Variants in DEPTOR observed in about 807,000 individuals in gnomAD.
DEPTOR encodes DEP domain-containing mTOR-interacting protein.
Under a neutral mutation model 41.6 loss-of-function variants are expected in DEPTOR, and 41 were observed. The observed-to-expected ratio is 0.98, with a 90% CI of 0.77 to 1.28. The LOEUF (loss-of-function observed/expected upper bound fraction) is 1.28, where lower values mean the gene tolerates loss of function less well. Among genes scored for constraint, DEPTOR ranks in the 50% most tolerant of loss-of-function variants. DEPTOR has a pLI of 0.00. For synonymous variants in DEPTOR, 195 were observed against 192.3 expected (o/e 1.01, Z -0.12); for missense variants, 514 against 527.9 (o/e 0.97, Z 0.26).
intron 1 of DEPTOR, among the ~76,000 whole-genome samples, chr8:119,909,875 G>A (rs1239505887): frequency 1.3e-5 from 2 of 152,218 alleles, no homozygotes; most frequent in South Asian, 2.1e-4. Context: ...ATAATGTGCT[G>A]AGCACATGAA....
At chr8:120,028,243 C>T (rs7817379) in intron 8 of DEPTOR, among the ~76,000 whole-genome samples, 99,529 of 151,136 alleles carry the variant, frequency 0.66, 33,511 homozygotes, top group Middle Eastern at 0.75. Context: ...GCAACCTCCA[C>T]CTCCCAGGTT....
intron 1 of DEPTOR, among the ~76,000 whole-genome samples, chr8:119,919,175 AT>A (rs1408658579): frequency 1.3e-5 from 2 of 152,214 alleles, no homozygotes; most frequent in Non-Finnish European, 2.9e-5. Flanking sequence ...CATGTAAAAA[AT>A]ATACAAATAT....
intron 8 of DEPTOR, among the ~76,000 whole-genome samples, chr8:120,028,156 T>G (rs1812828657): frequency 6.6e-6 from 1 of 152,150 alleles, no homozygotes; most frequent in African/African-American, 2.4e-5. Context: ...ATGTACTTTT[T>G]TTTTCTTTTT....
At chr8:119,886,172 C>A (rs1477934282) in intron 1 of DEPTOR, among the ~76,000 whole-genome samples, 1 of 152,164 alleles carries the variant, frequency 6.6e-6, no homozygotes, top group South Asian at 2.1e-4. Flanking sequence ...TCATTCTCTG[C>A]AATTCTTTTG....
intron 3 of DEPTOR, among the ~76,000 whole-genome samples, chr8:119,930,241 T>G (rs1391913377): frequency 6.6e-6 from 1 of 152,210 alleles, no homozygotes; most frequent in African/African-American, 2.4e-5. Context: ...TCTCTTATTT[T>G]TATTTTTTAT....
At chr8:119,963,308 C>T (rs996779247) in intron 3 of DEPTOR, among the ~76,000 whole-genome samples, 1 of 151,862 alleles carries the variant, frequency 6.6e-6, no homozygotes, top group Non-Finnish European at 1.5e-5. Context: ...ATTGATGTCC[C>T]CCTAGCCAAG....
chr8:119,947,624 A>G (rs1828299911), intron 3 of DEPTOR, among the ~76,000 whole-genome samples: 1 of 152,182 alleles, frequency 6.6e-6, no homozygotes, highest in South Asian at 2.1e-4. Context: ...CTGATCTTCC[A>G]AAGTGGAAAT....
At chr8:120,019,446 A>T (rs1295405440) in intron 8 of DEPTOR, among the ~76,000 whole-genome samples, 1 of 152,214 alleles carries the variant, frequency 6.6e-6, no homozygotes, top group Non-Finnish European at 1.5e-5. Context: ...GCCTCTTTCA[A>T]GTCAGCCTCT....
At position 120,000,807 on chromosome 8, in the gene DEPTOR, G is replaced by A. The variant is rs191993085; in HGVS notation, c.605-718G>A. On this transcript the variant is annotated intron_variant, in intron 4 of 8. Transcript: ENST00000286234. Reference sequence around the variant, plus strand: ...AAAATGAATTGAGGGGCTGGGTGTGGTGGCTCACACCTGTAATCCCAGCAC... The same window carrying A: ...AAAATGAATTGAGGGGCTGGGTGTGATGGCTCACACCTGTAATCCCAGCAC... Among the ~76,000 whole-genome samples the A allele has an allele frequency of 1.0e-3, 154 of 151,920 alleles. 2 individuals are homozygous for A. The highest frequency in any genetic ancestry group is 3.5e-3 in the African/African-American group (145 of 41,494).
At chr8:120,036,228 A>G (rs529701094) in intron 8 of DEPTOR, among the ~76,000 whole-genome samples, 8 of 152,214 alleles carry the variant, frequency 5.3e-5, no homozygotes, top group Non-Finnish European at 1.0e-4. Context: ...ACCAGCAGGC[A>G]TTACAAACTT....
intron 3 of DEPTOR, among the ~76,000 whole-genome samples, chr8:119,962,086 CAA>C (rs772605916): frequency 0.029 from 1,407 of 48,174 alleles, 30 homozygotes; most frequent in African/African-American, 0.084. Flanking sequence ...ACTAAAAATA[CAA>C]AAAAAAAAAA....
chr8:120,003,187 T>C (rs1812382808), intron 6 of DEPTOR, 76 bp downstream of exon 6: 1 of 1,572,460 alleles, frequency 6.4e-7, no homozygotes, highest in Admixed American at 1.7e-5. Flanking sequence ...GAATCTGAGA[T>C]AGCGGGAGAC....
intron 3 of DEPTOR, among the ~76,000 whole-genome samples, chr8:119,936,754 T>A (rs2129878356): frequency 6.6e-6 from 1 of 152,332 alleles, no homozygotes. Context: ...CCAAGCGTAG[T>A]GGCCCACACC....
intron 8 of DEPTOR, among the ~76,000 whole-genome samples, chr8:120,041,695 G>A (rs550477545): frequency 8.0e-4 from 122 of 152,116 alleles, no homozygotes; most frequent in African/African-American, 2.9e-3. Context: ...GCACCACCAC[G>A]CCCAGCTGAT....
intron 8 of DEPTOR, among the ~76,000 whole-genome samples, chr8:120,044,200 G>T (rs1483328583): frequency 6.6e-6 from 1 of 150,712 alleles, no homozygotes; most frequent in Non-Finnish European, 1.5e-5. Flanking sequence ...TTTTGCTCTT[G>T]TTGCAACCTC....
At position 120,049,643 on chromosome 8, in the gene DEPTOR, A is replaced by G; in HGVS notation, c.1169A>G (p.Asn390Ser). Reference sequence around the variant, plus strand: ...CATGTAGACTACCGGACCGTGAGCAATCTGATTCTGACGGGCCCACGGACG... The same window carrying G: ...CATGTAGACTACCGGACCGTGAGCAGTCTGATTCTGACGGGCCCACGGACG... ...VLHVDYRTVS[N>S]LILTGPRTIV... is the part of the protein sequence containing the mutation. Residue 390 changes from asparagine (N) to serine (S), a missense_variant, in exon 9 of 9, where the codon AAT becomes AGT. Coordinates refer to ENST00000286234, the MANE Select transcript of DEPTOR (RefSeq NM_022783.4). The G allele has an allele frequency of 6.2e-7, 1 of 1,614,044 alleles. No individual in the cohort carries two copies. The highest frequency in any genetic ancestry group is 8.5e-7 in the Non-Finnish European group (1 of 1,179,930).
intron 8 of DEPTOR, among the ~76,000 whole-genome samples, chr8:120,018,467 T>G (rs1973732): frequency 0.28 from 41,921 of 151,892 alleles, 6,133 homozygotes; most frequent in South Asian, 0.45. Flanking sequence ...CAATCCCAGC[T>G]ACTAGGGAGG....
chr8:119,947,886 A>G (rs950725246), intron 3 of DEPTOR, among the ~76,000 whole-genome samples: 1 of 152,156 alleles, frequency 6.6e-6, no homozygotes, highest in African/African-American at 2.4e-5. Context: ...GCCCATGCTT[A>G]GCTCCCTGTG....
At chr8:119,925,447 A>T (rs1027892857) in intron 1 of DEPTOR, among the ~76,000 whole-genome samples, 2 of 151,956 alleles carry the variant, frequency 1.3e-5, no homozygotes, top group Non-Finnish European at 2.9e-5. Context: ...AACAAAAAAA[A>T]CCCATCAGAT....
Sources: allele counts gnomAD v4.1 joint callset (sites outside exome capture counted in the v4.1 genomes callset), GRCh38; gene constraint gnomAD v4.1.1; transcripts MANE v1.5; gene names NCBI Gene and HGNC (gene_info 2026-07-23, HGNC 2026-07-21).